The following AP2M1 variants were observed in gnomAD, a reference collection of about 807,000 sequenced individuals.
The protein encoded by AP2M1 is AP-2 complex subunit mu.
In AP2M1, 5 loss-of-function variants were observed where a neutral mutation model predicts 54.5. The observed-to-expected ratio is 0.09, with a 90% CI of 0.05 to 0.19. The LOEUF (loss-of-function observed/expected upper bound fraction) is 0.19. Ranked by LOEUF, AP2M1 falls within the 10% of genes least tolerant of loss-of-function variation. The pLI is 1.00. For synonymous variants in AP2M1, 186 were observed against 208.2 expected, an observed-to-expected ratio of 0.89 and a Z score of 0.92; for missense variants, 178 against 580.2, an observed-to-expected ratio of 0.31 and a Z score of 7.12.
chr3:184,176,960 C>T lies in AP2M1; in HGVS notation c.-34C>T. The T allele has an allele frequency of 6.2e-7, 1 of 1,610,720 alleles. No homozygotes were observed. Among genetic ancestry groups the T allele is most frequent in the Non-Finnish European group, 8.5e-7 (1 of 1,178,260 alleles). ...CCCCCGCCTGTCCTAGGTCTGTTCTCAGAGCGATGGGCCGCGGAGACTGAT... is the reference window on the plus strand; with the variant it reads ...CCCCCGCCTGTCCTAGGTCTGTTCTTAGAGCGATGGGCCGCGGAGACTGAT... On this transcript the variant is annotated 5_prime_UTR_variant, in exon 2 of 12. Coordinates refer to ENST00000292807, the MANE Select transcript of AP2M1 (RefSeq NM_004068.4).
rs369667214 is a variant in AP2M1, at chr3:184,182,053, G to A, written c.963+6G>A. The stretch of plus-strand genomic sequence containing the variant: ...TGCTGGCTCAGAAGATCGAGGTGAG[G>A]ACAGGGGGCTCAAGGAGGAGGAAGA... On this transcript the variant is annotated splice_donor_region_variant and intron_variant, in intron 9 of 11. Transcript: ENST00000292807. The surrounding 1 kb of genome is among the most constrained non-coding windows in gnomAD (Gnocchi z 5.5). The A allele has an allele frequency of 4.3e-6, 7 of 1,613,004 alleles. No individual in the cohort carries two copies. The highest frequency in any genetic ancestry group is 5.9e-6 in the Non-Finnish European group (7 of 1,179,384).
chr3:184,177,675 A>G, intron 2 of AP2M1: 1 of 1,437,616 alleles, frequency 7.0e-7, no homozygotes, highest in Non-Finnish European at 9.4e-7. Context: ...CAGTAGACCC[A>G]GAGCAGCTCC....
chr3:184,179,495 T>C, intron 3 of AP2M1: 10 of 273,322 alleles, frequency 3.7e-5, no homozygotes, highest in Non-Finnish European at 6.4e-5. Context: ...GAGAGTGAGA[T>C]ATTACAAGCC....
At chr3:184,175,829 C>T (rs1482673913) in intron 1 of AP2M1, among the ~76,000 whole-genome samples, 1 of 152,184 alleles carries the variant, frequency 6.6e-6, no homozygotes, top group Non-Finnish European at 1.5e-5. Context: ...CATCTCCTCT[C>T]CCAGCCTGTT....
rs759438879 is a variant in AP2M1, at chr3:184,183,354, G to A, written c.1174-128G>A. 3.2e-5 allele frequency: 46 copies of A among 1,442,274 alleles called. No individual in the cohort carries two copies. The highest frequency in any genetic ancestry group is 4.2e-5 in the Non-Finnish European group (45 of 1,066,738). The allele number at this position is 1,442,274 out of a possible 1,614,324, so 89.3% of individuals were successfully genotyped here. ...TCTTAGAAGGTCCCACGCCGCCCCA[G>A]CTTCTTTCAGGACCCCAGCCATACA... On this transcript the variant is annotated intron_variant, in intron 11 of 11. Coordinates refer to ENST00000292807, the MANE Select transcript of AP2M1 (RefSeq NM_004068.4). The surrounding 1 kb of genome is among the most constrained non-coding windows in gnomAD (Gnocchi z 5.7).
rs200980522 is a variant in AP2M1, at chr3:184,176,975, C to A, written c.-19C>A. ...GGTCTGTTCTCAGAGCGATGGGCCGCGGAGACTGATCTGCCGCCATGATTG... is the reference window on the plus strand; with the variant it reads ...GGTCTGTTCTCAGAGCGATGGGCCGAGGAGACTGATCTGCCGCCATGATTG... On this transcript the variant is annotated 5_prime_UTR_variant, in exon 2 of 12. Coordinates refer to ENST00000292807, the MANE Select transcript of AP2M1 (RefSeq NM_004068.4). 1.7e-5 allele frequency: 27 copies of A among 1,612,988 alleles called. No individual in the cohort carries two copies. The Admixed American group carries it at 4.3e-4, about 26-fold the overall frequency.
Position 184,178,893 on chromosome 3 carries a change from C to T in AP2M1, c.111C>T (p.Ile37=), listed in dbSNP as rs1370020804. ...NAVDAFRVNV[I]HARQQVRSPV... Reference sequence around the variant, plus strand: ...TGGATGCCTTTCGGGTCAATGTTATCCATGCCCGGCAGCAGGTGCGCAGCC... The same window carrying T: ...TGGATGCCTTTCGGGTCAATGTTATTCATGCCCGGCAGCAGGTGCGCAGCC... The change falls in exon 3 of 12, where the codon ATC becomes ATT. Residue 37 remains isoleucine, a synonymous_variant. Coordinates refer to ENST00000292807, the MANE Select transcript of AP2M1 (RefSeq NM_004068.4). The surrounding 1 kb of genome is among the most constrained non-coding windows in gnomAD (Gnocchi z 4.9). 5 of 1,614,126 alleles carry T rather than the reference C, an allele frequency of 3.1e-6. No individual in the cohort carries two copies. The highest frequency in any genetic ancestry group is 3.4e-6 in the Non-Finnish European group (4 of 1,180,022).
rs200520955 is a variant in AP2M1, at chr3:184,179,153, C to T, written c.340+31C>T. 5.0e-5 allele frequency: 80 copies of T among 1,604,630 alleles called. 3 individuals are homozygous for T. The South Asian group carries it at 8.1e-4, about 16-fold the overall frequency. ...GCTGGCGGGCTGGCACGGCAGCGGGCGTAGGGTGGGAAAAAACCAGGCTGG... is the reference window on the plus strand; with the variant it reads ...GCTGGCGGGCTGGCACGGCAGCGGGTGTAGGGTGGGAAAAAACCAGGCTGG... On this transcript the variant is annotated intron_variant, in intron 3 of 11. Transcript: ENST00000292807.
intron 1 of AP2M1, among the ~76,000 whole-genome samples, chr3:184,175,457 A>G (rs1386117907): frequency 6.6e-6 from 1 of 151,610 alleles, no homozygotes. Flanking sequence ...TTTTCCCACA[A>G]TGTCCTCCCC....
intron 2 of AP2M1, chr3:184,177,642 G>C: frequency 6.5e-7 from 1 of 1,528,758 alleles, no homozygotes; most frequent in Non-Finnish European, 8.8e-7. Flanking sequence ...CTGTGGGAGG[G>C]CAGGGAAGCC....
At chr3:184,176,754 C>T (rs1482373656) in intron 1 of AP2M1, 197 bp from the exon 2 acceptor site, 1 of 501,518 alleles carries the variant, frequency 2.0e-6, no homozygotes, top group African/African-American at 2.0e-5. Context: ...TAATCTCTCT[C>T]TGTTTCTTTC....
In AP2M1 at chr3:184,181,347, G is replaced by A. The variant is rs971885130; in HGVS notation, c.707+121G>A. On this transcript the variant is annotated intron_variant, in intron 7 of 11. Transcript: ENST00000292807. This position sits in a 1 kb window ranked among gnomAD's most constrained non-coding sequence, Gnocchi z 5.7. ...TGTAATTGCAAACTCTGTTCCTGAC[G>A]GTAAGCCTGGCTGTTCGCTCTTGAC... The A allele has an allele frequency of 5.1e-5, 74 of 1,441,066 alleles. No individual in the cohort carries two copies. The highest frequency in any genetic ancestry group is 6.9e-5 in the Non-Finnish European group (72 of 1,048,510). The allele number at this position is 1,441,066 out of a possible 1,614,324, so 89.3% of individuals were successfully genotyped here.
At position 184,179,044 on chromosome 3, in the gene AP2M1, G is replaced by A. The variant is rs995446453; in HGVS notation, c.262G>A (p.Val88Met). The A allele has an allele frequency of 3.7e-6, 6 of 1,614,170 alleles. No individual in the cohort carries two copies. The highest frequency in any genetic ancestry group is 5.1e-6 in the Non-Finnish European group (6 of 1,180,036). Residue 88 changes from valine (V) to methionine (M), a missense_variant, in exon 3 of 12, where the codon GTG (valine) becomes ATG (methionine). Around this residue, in one of 5 missense-constraint regions of AP2M1, gnomAD observed 115 missense variants for 331.2 expected, o/e 0.35. Transcript: ENST00000292807. ...CGAATTCCTCTATAAGATGTGTGAC[G>A]TGATGGCTGCCTACTTTGGCAAGAT... Reference protein sequence around the residue: ...VFEFLYKMCDVMAAYFGKISE... With the variant: ...VFEFLYKMCDMMAAYFGKISE...
chr3:184,180,113 AG>A lies in AP2M1; in HGVS notation c.341-52del. 6.4e-6 allele frequency: 10 copies of A among 1,569,000 alleles called. No individual in the cohort carries two copies. The highest frequency in any genetic ancestry group is 8.8e-6 in the Non-Finnish European group (10 of 1,140,804). Reference sequence around the variant, plus strand: ...GCCGGTCAGATGTGTAGGCCCAAGTAGGGGCTGGAATGAAGAAGCTCTGTCC... The same window carrying A: ...GCCGGTCAGATGTGTAGGCCCAAGTAGGGCTGGAATGAAGAAGCTCTGTCC... On this transcript the variant is annotated intron_variant, in intron 3 of 11. Coordinates refer to ENST00000292807, the MANE Select transcript of AP2M1 (RefSeq NM_004068.4). The surrounding 1 kb of genome is among the most constrained non-coding windows in gnomAD (Gnocchi z 4.9).
rs1179092195 is a variant in AP2M1 at position 184,183,450 on chromosome 3, G to A, written c.1174-32G>A. On this transcript the variant is annotated intron_variant, in intron 11 of 11. Coordinates refer to ENST00000292807, the MANE Select transcript of AP2M1 (RefSeq NM_004068.4). The surrounding 1 kb of genome is among the most constrained non-coding windows in gnomAD (Gnocchi z 5.7). ...CAGAGGAGAGCGGCTGTAAGAGGAA[G>A]GCCACATTTCTAACTAGCTCTCCTT... 2.5e-6 allele frequency: 4 copies of A among 1,613,384 alleles called. No individual in the cohort carries two copies. The South Asian group carries it at 3.3e-5, about 13-fold the overall frequency.
rs200852781 is a variant in AP2M1 at position 184,183,435 on chromosome 3, C to T, written c.1174-47C>T. On this transcript the variant is annotated intron_variant, in intron 11 of 11. Transcript: ENST00000292807. This position sits in a 1 kb window ranked among gnomAD's most constrained non-coding sequence, Gnocchi z 5.7. ...GGCAACGGGACTTCCCAGAGGAGAG[C>T]GGCTGTAAGAGGAAGGCCACATTTC... The T allele has an allele frequency of 6.1e-4, 979 of 1,611,022 alleles. 1 individual carries two copies. The highest frequency in any genetic ancestry group is 7.6e-4 in the Non-Finnish European group (896 of 1,178,464).
Position 184,180,651 on chromosome 3 carries a change from G to A in AP2M1, c.429+1G>A, listed in dbSNP as rs746063961. The A allele has an allele frequency of 6.8e-6, 11 of 1,614,190 alleles. No individual in the cohort carries two copies. Among genetic ancestry groups the A allele is most frequent in the Non-Finnish European group, 9.3e-6 (11 of 1,180,048 alleles). On this transcript the variant is annotated splice_donor_variant, in intron 5 of 11. Transcript: ENST00000292807. LOFTEE classifies it high-confidence loss of function. The surrounding 1 kb of genome is among the most constrained non-coding windows in gnomAD (Gnocchi z 4.9). ...TTGGCCCTGCGGCCTCCAGCATCAG[G>A]TAAGCTCTTCCCTCAGCTTCCACCC...
chr3:184,177,422 G>A (rs1429226739), intron 2 of AP2M1: 10 of 910,394 alleles, frequency 1.1e-5, no homozygotes, highest in Middle Eastern at 2.2e-4. Flanking sequence ...TAGTGGCCAC[G>A]CTGGAGGCAC....
Position 184,180,272 on chromosome 3 carries a change from A to G in AP2M1, c.423+21A>G, listed in dbSNP as rs1372554403. On this transcript the variant is annotated intron_variant, in intron 4 of 11. Transcript: ENST00000292807. This position sits in a 1 kb window ranked among gnomAD's most constrained non-coding sequence, Gnocchi z 4.9. ...GTCAGGTACTTGAATTGTGCAGACT[A>G]TAGTCAGGGTGGAGTCCAATCTCCC... 2 of 1,613,116 alleles carry G rather than the reference A, an allele frequency of 1.2e-6. No individual in the cohort carries two copies. Among genetic ancestry groups the G allele is most frequent in the African/African-American group, 1.3e-5 (1 of 75,044 alleles).
Sources: allele counts gnomAD v4.1 joint callset (sites outside exome capture counted in the v4.1 genomes callset), GRCh38; gene constraint gnomAD v4.1.1; regional missense constraint gnomAD v4.1.1; non-coding constraint Gnocchi (gnomAD v3.1); transcripts MANE v1.5; gene names NCBI Gene and HGNC (gene_info 2026-07-23, HGNC 2026-07-21).